IL1RAPL1: variants seen among roughly 807,000 people sequenced by gnomAD.
The protein encoded by IL1RAPL1 is interleukin-1 receptor accessory protein-like 1.
A neutral mutation model predicts 48.4 loss-of-function variants in IL1RAPL1; 3 were observed. The observed-to-expected ratio is 0.06, with a 90% CI of 0.03 to 0.16. The LOEUF (loss-of-function observed/expected upper bound fraction) is 0.16. Among genes scored for constraint, IL1RAPL1 ranks in the 10% least tolerant of loss-of-function variants. The probability of loss-of-function intolerance (pLI) is 1.00; values close to 1 mark genes in which losing one functional copy is unlikely to be tolerated. For missense variants in IL1RAPL1, 349 were observed against 530.6 expected, an observed-to-expected ratio of 0.66 and a Z score of 3.36; for synonymous variants, 185 against 187.7, an observed-to-expected ratio of 0.99 and a Z score of 0.12.
At chrX:29,748,645 C>T (rs1302604667) in intron 6 of IL1RAPL1, among the ~76,000 whole-genome samples, 1 of 112,920 alleles carries the variant, frequency 8.9e-6, no homozygotes, top group Admixed American at 9.3e-5. Flanking sequence ...AAATATGGGT[C>T]CAAAACCTAG....
intron 6 of IL1RAPL1, among the ~76,000 whole-genome samples, chrX:29,717,219 C>CACAT (rs1927508717): frequency 9.1e-6 from 1 of 109,892 alleles, no homozygotes; most frequent in Admixed American, 9.8e-5. Context: ...CACACACACA[C>CACAT]ACACACACAC....
intron 2 of IL1RAPL1, among the ~76,000 whole-genome samples, chrX:29,200,167 A>G (rs2147533222): frequency 9.0e-6 from 1 of 111,536 alleles, no homozygotes; most frequent in South Asian, 3.8e-4. Context: ...AAAAAATCCA[A>G]CAGTCAAAAA....
At chrX:28,664,887 G>A (rs957795705) in intron 1 of IL1RAPL1, among the ~76,000 whole-genome samples, 2 of 111,625 alleles carry the variant, frequency 1.8e-5, no homozygotes, top group African/African-American at 6.5e-5. Context: ...CAAGGGAAGA[G>A]CAGAACTGTA....
At chrX:29,415,878 T>C (rs1282536627) in intron 5 of IL1RAPL1, among the ~76,000 whole-genome samples, 1 of 112,354 alleles carries the variant, frequency 8.9e-6, no homozygotes, top group Non-Finnish European at 1.9e-5. Flanking sequence ...CATTATTAAT[T>C]TGAATAAATT....
intron 1 of IL1RAPL1, among the ~76,000 whole-genome samples, chrX:28,767,393 C>T (rs1274162496): frequency 4.5e-5 from 5 of 110,197 alleles, no homozygotes; most frequent in African/African-American, 1.6e-4. Context: ...TCTACTTTGA[C>T]TCTTTTTTTT....
chrX:29,334,947 C>G (rs1304776971), intron 3 of IL1RAPL1, among the ~76,000 whole-genome samples: 1 of 112,631 alleles, frequency 8.9e-6, no homozygotes, highest in Admixed American at 9.3e-5. Context: ...GAGGTTGTAG[C>G]GAGCCGAGAT....
At chrX:29,678,663 C>T (rs1381046435) in intron 6 of IL1RAPL1, among the ~76,000 whole-genome samples, 1 of 109,507 alleles carries the variant, frequency 9.1e-6, no homozygotes, top group African/African-American at 3.3e-5. Context: ...CCACCGCGCC[C>T]GGCCAACACT....
chrX:29,434,523 G>A, intron 5 of IL1RAPL1, among the ~76,000 whole-genome samples: 1 of 110,368 alleles, frequency 9.1e-6, no homozygotes, highest in South Asian at 3.7e-4. Flanking sequence ...ACTGTTTTTT[G>A]CCATCTAATC....
intron 2 of IL1RAPL1, among the ~76,000 whole-genome samples, chrX:29,258,275 C>T (rs1457760890): frequency 1.8e-5 from 2 of 110,913 alleles, no homozygotes; most frequent in African/African-American, 3.3e-5. Flanking sequence ...TATAACATAT[C>T]GAACAATTTA....
chrX:29,906,354 A>AACAAC (rs201803964), intron 6 of IL1RAPL1, among the ~76,000 whole-genome samples: 1 of 70,862 alleles, frequency 1.4e-5, no homozygotes, highest in African/African-American at 5.9e-5. Flanking sequence ...AACAAACAAC[A>AACAAC]AAAAAAAAAA....
rs79017932 is a variant in IL1RAPL1 at position 28,992,531 on chromosome X, A to G, written c.82+203106A>G. 2.4e-3 allele frequency among the ~76,000 whole-genome samples: 263 copies of G among 109,852 alleles called. 1 individual carries two copies. The highest frequency in any genetic ancestry group is 7.6e-3 in the African/African-American group (230 of 30,448). The stretch of plus-strand genomic sequence containing the variant: ...AAAAAAAAAAAAGAAGAAAAAAAAA[A>G]GAAAACTGCCAAGTATGGTAGAAAT... On this transcript the variant is annotated intron_variant, in intron 2 of 10. Transcript: ENST00000378993.
intron 6 of IL1RAPL1, among the ~76,000 whole-genome samples, chrX:29,831,028 T>C (rs1159811074): frequency 2.7e-5 from 3 of 111,849 alleles, no homozygotes; most frequent in Non-Finnish European, 3.8e-5. Context: ...GTTCCAAATT[T>C]GAATTTAAAA....
chrX:29,675,216 C>T (rs910455035), intron 6 of IL1RAPL1, among the ~76,000 whole-genome samples: 3 of 112,220 alleles, frequency 2.7e-5, no homozygotes, highest in South Asian at 3.7e-4. Context: ...GCATCTATAA[C>T]GAATTTAAAC....
intron 5 of IL1RAPL1, among the ~76,000 whole-genome samples, chrX:29,622,377 A>C (rs1924488457): frequency 1.8e-5 from 2 of 112,361 alleles, no homozygotes; most frequent in South Asian, 7.3e-4. Context: ...TCTCATTCCA[A>C]ATTACTGGGG....
chrX:29,035,297 T>C (rs1231903979), intron 2 of IL1RAPL1, among the ~76,000 whole-genome samples: 2 of 111,571 alleles, frequency 1.8e-5, no homozygotes, highest in African/African-American at 3.3e-5. Flanking sequence ...AGTATTGTTA[T>C]AGTGAGAGAC....
At chrX:29,328,201 C>G (rs968603590) in intron 3 of IL1RAPL1, among the ~76,000 whole-genome samples, 9 of 111,693 alleles carry the variant, frequency 8.1e-5, no homozygotes, top group African/African-American at 2.9e-4. Context: ...TATGGTATTA[C>G]TTTTGTATAG....
intron 2 of IL1RAPL1, among the ~76,000 whole-genome samples, chrX:28,896,340 C>T (rs1922917622): frequency 1.8e-5 from 2 of 111,768 alleles, no homozygotes; most frequent in South Asian, 7.5e-4. Context: ...GAGAATAAGA[C>T]GGCCTTTTGA....
chrX:29,906,853 G>A (rs1343477506), intron 6 of IL1RAPL1, among the ~76,000 whole-genome samples: 1 of 110,224 alleles, frequency 9.1e-6, no homozygotes, highest in Non-Finnish European at 1.9e-5. Flanking sequence ...TTGACTTGCT[G>A]AATCTAAATC....
chrX:28,809,207 T>C (rs754749906), intron 2 of IL1RAPL1, among the ~76,000 whole-genome samples: 2 of 110,337 alleles, frequency 1.8e-5, no homozygotes, highest in Non-Finnish European at 3.8e-5. Flanking sequence ...ATTCAACATA[T>C]AATATTTTGA....
Sources: gnomAD v4.1 joint callset for allele counts (sites outside exome capture counted in the v4.1 genomes callset) on GRCh38, gnomAD v4.1.1 for gene constraint, MANE v1.5 for transcripts, NCBI Gene and HGNC (gene_info 2026-07-23, HGNC 2026-07-21) for gene names.